The following PC variants were observed in gnomAD, a reference collection of about 807,000 sequenced individuals.
The protein encoded by PC is pyruvate carboxylase, mitochondrial.
In PC, 46 loss-of-function variants were observed where a neutral mutation model predicts 107.8. The observed-to-expected ratio is 0.43, with a 90% confidence interval of 0.34 to 0.55. The LOEUF is 0.55. PC is among the 20% of genes least tolerant of loss of function. The pLI, the probability that PC is intolerant of heterozygous loss-of-function variation, is 0.04. For synonymous variants in PC, 662 were observed against 684.7 expected (o/e 0.97, Z 0.52); for missense variants, 1,241 against 1,643.1 (o/e 0.76, Z 4.23).
intron 3 of PC, among the ~76,000 whole-genome samples, chr11:66,925,717 G>T (rs1282190916): frequency 6.6e-6 from 1 of 152,152 alleles, no homozygotes. Context: ...AATCACAAGG[G>T]TATTGATTGG....
chr11:66,858,155 G>T lies in PC; in HGVS notation c.1369-4772C>A. 2 of 1,610,732 alleles carry T rather than the reference G, an allele frequency of 1.2e-6. No individual in the cohort carries two copies. The highest frequency in any genetic ancestry group is 1.7e-6 in the Non-Finnish European group (2 of 1,178,828). ...GCAACCAGCTGGGCCGCATCGCGCC[G>T]GGAGCCTTCGACGACTTCCTAGAGA... On this transcript the variant is annotated intron_variant, in intron 12 of 22. Coordinates refer to ENST00000393960, the MANE Select transcript of PC (RefSeq NM_001040716.2). The surrounding 1 kb of genome is among the most constrained non-coding windows in gnomAD (Gnocchi z 5.9).
chr11:66,925,897 T>C (rs1043488298), intron 3 of PC, among the ~76,000 whole-genome samples: 3 of 151,446 alleles, frequency 2.0e-5, no homozygotes, highest in African/African-American at 2.4e-5. Context: ...TCAGGGTTCC[T>C]GACTTCCCGC....
rs751058193 is a variant in PC at position 66,859,920 on chromosome 11, G to A, written c.1368+3854C>T. 15 of 1,585,060 alleles carry A rather than the reference G, an allele frequency of 9.5e-6. No homozygotes were observed. The highest frequency in any genetic ancestry group is 5.3e-5 in the Admixed American group (3 of 57,122). On this transcript the variant is annotated intron_variant, in intron 12 of 22. Coordinates refer to ENST00000393960, the MANE Select transcript of PC (RefSeq NM_001040716.2). The stretch of plus-strand genomic sequence containing the variant: ...CTTGCTGGTTCGGGGCCGGGGGGCC[G>A]GAAATGGCCGCCTCCCCCTCAAGCT...
At chr11:66,856,249 C>A (rs1002591167) in intron 12 of PC, among the ~76,000 whole-genome samples, 1 of 152,240 alleles carries the variant, frequency 6.6e-6, no homozygotes, top group African/African-American at 2.4e-5. Flanking sequence ...GCAGGCGCTG[C>A]GAGGACGCAC....
Position 66,897,170 on chromosome 11 carries a change from G to T in PC, c.1-25011C>A, listed in dbSNP as rs146095387. 9.2e-3 allele frequency among the ~76,000 whole-genome samples: 1,405 copies of T among 152,254 alleles called. 27 individuals are homozygous for T. The highest frequency in any genetic ancestry group is 0.031 in the African/African-American group (1,300 of 41,548). ...GCTGGTCTCGAGCTCCTGACCTCAG[G>T]TGATCCACCTGCCTAGGCGTCCCAA... On this transcript the variant is annotated intron_variant, in intron 3 of 22. Transcript: ENST00000393960.
Position 66,954,310 on chromosome 11 carries a change from C to T in PC, c.-101G>A, listed in dbSNP as rs980760968. On this transcript the variant is annotated 5_prime_UTR_variant, in exon 2 of 23. Transcript: ENST00000393960. Reference sequence around the variant, plus strand: ...GAATCATATTAGAGAGTCTTGAACGCCAAGATGAAGCAAGCTTTTCATTCG... The same window carrying T: ...GAATCATATTAGAGAGTCTTGAACGTCAAGATGAAGCAAGCTTTTCATTCG... 6.6e-6 allele frequency: 1 copy of T among 152,184 alleles called. No individual in the cohort carries two copies. The highest frequency in any genetic ancestry group is 6.6e-5 in the Admixed American group (1 of 15,264). The allele number at this position is 152,184 out of a possible 1,614,324, so 9.4% of individuals were successfully genotyped here. A position where few individuals can be genotyped will look rare whatever the true frequency, so the allele number is the denominator to read the frequency against.
intron 3 of PC, among the ~76,000 whole-genome samples, chr11:66,885,214 C>G (rs1375758834): frequency 6.6e-6 from 1 of 152,158 alleles, no homozygotes; most frequent in Non-Finnish European, 1.5e-5. Context: ...TTGGGCCAGG[C>G]GCGATGGCTC....
intron 3 of PC, among the ~76,000 whole-genome samples, chr11:66,873,572 T>A (rs1946868563): frequency 8.7e-6 from 1 of 114,418 alleles, no homozygotes; most frequent in African/African-American, 3.3e-5. Context: ...TAATATTATA[T>A]ATATATTTAA....
At chr11:66,948,658 G>T (rs564880190) in intron 3 of PC, among the ~76,000 whole-genome samples, 1 of 152,216 alleles carries the variant, frequency 6.6e-6, no homozygotes, top group African/African-American at 2.4e-5. Flanking sequence ...TGGGCAATGT[G>T]GTGAAACCCC....
chr11:66,914,191 G>A (rs1203666760), intron 3 of PC, among the ~76,000 whole-genome samples: 1 of 152,094 alleles, frequency 6.6e-6, no homozygotes, highest in Non-Finnish European at 1.5e-5. Context: ...TCTCCATAAG[G>A]TCAACAGGTA....
At position 66,866,095 on chromosome 11, in the gene PC, G is replaced by A. The variant is rs557943805; in HGVS notation, c.1185+92C>T. On this transcript the variant is annotated intron_variant, in intron 11 of 22. Transcript: ENST00000393960. The surrounding 1 kb of genome is among the most constrained non-coding windows in gnomAD (Gnocchi z 5.4). ...CACATGCGGGTCCTCCCTAACTGCC[G>A]GGCTGTGGCAACTTGGCACTGCAGC... 19 of 1,431,064 alleles carry A rather than the reference G, an allele frequency of 1.3e-5. No homozygotes were observed. Among genetic ancestry groups the A allele is most frequent in the African/African-American group, 1.1e-4 (8 of 72,046 alleles). The allele number at this position is 1,431,064 out of a possible 1,614,324, so 88.6% of individuals were successfully genotyped here.
Position 66,921,206 on chromosome 11 carries a change from G to A in PC, c.-1+31224C>T, listed in dbSNP as rs141647332. 2.4e-3 allele frequency among the ~76,000 whole-genome samples: 363 copies of A among 152,228 alleles called. 2 individuals carry two copies. Among genetic ancestry groups the A allele is most frequent in the Middle Eastern group, 0.01 (3 of 294 alleles). On this transcript the variant is annotated intron_variant, in intron 3 of 22. Coordinates refer to ENST00000393960, the MANE Select transcript of PC (RefSeq NM_001040716.2). ...CTAGGGCAACACGGAGCGTGGAAACGACCCCGCTAAAAACCCAGCTGCTTG... is the reference window on the plus strand; with the variant it reads ...CTAGGGCAACACGGAGCGTGGAAACAACCCCGCTAAAAACCCAGCTGCTTG...
chr11:66,879,532 C>T (rs1947111576), intron 3 of PC, among the ~76,000 whole-genome samples: 1 of 152,228 alleles, frequency 6.6e-6, no homozygotes, highest in Non-Finnish European at 1.5e-5. Context: ...GACAGCTGCT[C>T]TTCTGCCTGA....
Position 66,871,464 on chromosome 11 carries a change from G to A in PC, c.338C>T (p.Ala113Val). The change falls in exon 6 of 23, where the codon GCA (alanine) becomes GTA (valine). Residue 113 changes from alanine (A) to valine (V), a missense_variant. This residue lies in a region of PC where 1,143 missense variants were observed against 1,551.9 expected (regional missense o/e 0.74). Transcript: ENST00000393960. The surrounding 1 kb of genome is among the most constrained non-coding windows in gnomAD (Gnocchi z 7.4). ...GAGGAACCCGTAGCCAGGGTGCACTGCATCTACGTTGTTCTCCTGCAGGTG... is the reference window on the plus strand; with the variant it reads ...GAGGAACCCGTAGCCAGGGTGCACTACATCTACGTTGTTCTCCTGCAGGTG... ...IKVAKENNVD[A>V]VHPGYGFLSE... 6.2e-7 allele frequency: 1 copy of A among 1,613,390 alleles called. No homozygotes were observed. The highest frequency in any genetic ancestry group is 8.5e-7 in the Non-Finnish European group (1 of 1,180,030).
chr11:66,873,494 TA>T (rs1312168398), intron 3 of PC, among the ~76,000 whole-genome samples: 12 of 14,380 alleles, frequency 8.3e-4, no homozygotes, highest in Middle Eastern at 0.024. Context: ...ATATTATATA[TA>T]TTATATAATA....
At chr11:66,916,878 C>T (rs1414775405) in intron 3 of PC, among the ~76,000 whole-genome samples, 1 of 151,840 alleles carries the variant, frequency 6.6e-6, no homozygotes. Flanking sequence ...GGCGTGAACC[C>T]GGGAGGCAGA....
At chr11:66,950,801 C>A (rs962916205) in intron 3 of PC, among the ~76,000 whole-genome samples, 2 of 152,112 alleles carry the variant, frequency 1.3e-5, no homozygotes, top group Admixed American at 6.6e-5. Flanking sequence ...CTTCTCTAGG[C>A]TTCAGTTTCT....
At chr11:66,894,219 A>G (rs1341617039) in intron 3 of PC, among the ~76,000 whole-genome samples, 1 of 151,990 alleles carries the variant, frequency 6.6e-6, no homozygotes. Context: ...ACCTCCCCCA[A>G]AATTAGTGCA....
Position 66,858,714 on chromosome 11 carries a change from A to G in PC, c.1368+5060T>C. ...CGGTCCTGACGACCGGTTGGTTGGC[A>G]ACTCCTCCCGAGCCCGGGCTTTCCC... On this transcript the variant is annotated intron_variant, in intron 12 of 22. Transcript: ENST00000393960. The surrounding 1 kb of genome is among the most constrained non-coding windows in gnomAD (Gnocchi z 5.9). 10 of 1,552,286 alleles carry G rather than the reference A, an allele frequency of 6.4e-6. No individual in the cohort carries two copies. Among genetic ancestry groups the G allele is most frequent in the Non-Finnish European group, 8.7e-6 (10 of 1,146,668 alleles).
Sources: allele counts gnomAD v4.1 joint callset (sites outside exome capture counted in the v4.1 genomes callset), GRCh38; gene constraint gnomAD v4.1.1; regional missense constraint gnomAD v4.1.1; non-coding constraint Gnocchi (gnomAD v3.1); transcripts MANE v1.5; gene names NCBI Gene and HGNC (gene_info 2026-07-23, HGNC 2026-07-21).